GBE1: variants seen among roughly 807,000 people sequenced by gnomAD.
The protein encoded by GBE1 is 1,4-alpha-glucan-branching enzyme.
A neutral mutation model predicts 88.8 loss-of-function variants in GBE1; 70 were observed. That is an observed-to-expected ratio of 0.79 (90% CI 0.65 to 0.96). The LOEUF is 0.96. Among genes scored for constraint, GBE1 ranks in the 40% least tolerant of loss-of-function variants. The pLI, the probability that GBE1 is intolerant of heterozygous loss-of-function variation, is 0.00. For synonymous variants in GBE1, 284 were observed against 300.1 expected, an observed-to-expected ratio of 0.95 and a Z score of 0.56; for missense variants, 872 against 871.0, an observed-to-expected ratio of 1.00 and a Z score of -0.01.
At chr3:81,588,005 A>G (rs1703822683) in intron 9 of GBE1, among the ~76,000 whole-genome samples, 1 of 152,130 alleles carries the variant, frequency 6.6e-6, no homozygotes. Flanking sequence ...GCTTTTCTGC[A>G]TCTGTCAATG....
At chr3:81,723,972 T>C (rs751373492) in intron 1 of GBE1, among the ~76,000 whole-genome samples, 6 of 152,228 alleles carry the variant, frequency 3.9e-5, no homozygotes, top group Non-Finnish European at 7.3e-5. Flanking sequence ...TGTTTTGCTT[T>C]CTTTGTTTTT....
chr3:81,566,936 C>T lies in GBE1; in HGVS notation c.1618+10989G>A, dbSNP rs181777193. ...CCTTTGAATAGGCCTTTTCTGAACA[C>T]AAACATGTTCTTATATTTCATAAGA... On this transcript the variant is annotated intron_variant, in intron 12 of 15. Coordinates refer to ENST00000429644, the MANE Select transcript of GBE1 (RefSeq NM_000158.4). Among the ~76,000 whole-genome samples, 18 of 152,266 alleles carry T rather than the reference C, an allele frequency of 1.2e-4. No individual in the cohort carries two copies. The East Asian group carries it at 1.5e-3, about 13-fold the overall frequency.
chr3:81,643,869 T>C (rs2107061463), intron 6 of GBE1, among the ~76,000 whole-genome samples: 1 of 152,294 alleles, frequency 6.6e-6, no homozygotes, highest in South Asian at 2.1e-4. Flanking sequence ...ATCATACTTG[T>C]GCTCCCATTC....
chr3:81,673,580 T>C (rs1326182454), intron 2 of GBE1, among the ~76,000 whole-genome samples: 1 of 151,966 alleles, frequency 6.6e-6, no homozygotes, highest in East Asian at 1.9e-4. Context: ...GAAAATGGTT[T>C]CCAATATCAG....
intron 14 of GBE1, among the ~76,000 whole-genome samples, chr3:81,516,360 T>G: frequency 6.6e-6 from 1 of 151,682 alleles, no homozygotes; most frequent in African/African-American, 2.4e-5. Context: ...GCATGTCTGT[T>G]TACAGCATGG....
chr3:81,745,100 C>G (rs1190279651), intron 1 of GBE1, among the ~76,000 whole-genome samples: 2 of 152,128 alleles, frequency 1.3e-5, no homozygotes, highest in African/African-American at 4.8e-5. Flanking sequence ...ATTTGTTCTG[C>G]TATCATATAG....
intron 1 of GBE1, among the ~76,000 whole-genome samples, chr3:81,750,087 C>T (rs1706475380): frequency 6.7e-6 from 1 of 149,032 alleles, no homozygotes; most frequent in African/African-American, 2.5e-5. Context: ...CAACTTAAAC[C>T]ACAAAAATAA....
intron 7 of GBE1, among the ~76,000 whole-genome samples, chr3:81,600,315 T>G (rs931210383): frequency 6.6e-5 from 10 of 152,128 alleles, no homozygotes; most frequent in African/African-American, 2.4e-4. Context: ...TATAATAATT[T>G]TATGATTGAA....
intron 1 of GBE1, among the ~76,000 whole-genome samples, chr3:81,713,351 C>T (rs1156866792): frequency 1.3e-5 from 2 of 152,166 alleles, no homozygotes; most frequent in African/African-American, 2.4e-5. Context: ...GACGACATGA[C>T]GACTAGCTGT....
chr3:81,549,833 T>C (rs1208891700), intron 12 of GBE1, among the ~76,000 whole-genome samples: 2 of 151,532 alleles, frequency 1.3e-5, no homozygotes, highest in Non-Finnish European at 3.0e-5. Context: ...CCATAATTTG[T>C]CTCTAGTAAA....
intron 1 of GBE1, among the ~76,000 whole-genome samples, chr3:81,749,794 AT>A (rs142847154): frequency 6.6e-6 from 1 of 152,002 alleles, no homozygotes; most frequent in African/African-American, 2.4e-5. Flanking sequence ...TTTCAGAATG[AT>A]TTTTTTTAAT....
chr3:81,586,242 G>A, intron 9 of GBE1, 52 bp from the exon 10 acceptor site: 2 of 1,095,736 alleles, frequency 1.8e-6, no homozygotes, highest in South Asian at 1.5e-5. Flanking sequence ...TAAATATTCT[G>A]ACTGTAAAGC....
chr3:81,552,520 T>TAA (rs58899195), intron 12 of GBE1, among the ~76,000 whole-genome samples: 28 of 55,816 alleles, frequency 5.0e-4, no homozygotes, highest in African/African-American at 1.3e-3. Context: ...CTATCTTATA[T>TAA]AAAAAAAAAA....
chr3:81,613,071 G>T, intron 7 of GBE1: 1 of 690,712 alleles, frequency 1.4e-6, no homozygotes, highest in Non-Finnish European at 2.2e-6. Flanking sequence ...TGAAGGAGAA[G>T]ATGACTAATA....
At chr3:81,662,928 G>GC (rs1453237894) in intron 3 of GBE1, among the ~76,000 whole-genome samples, 1 of 152,186 alleles carries the variant, frequency 6.6e-6, no homozygotes, top group Non-Finnish European at 1.5e-5. Context: ...GAAGGAAGAA[G>GC]CAAGTACGTG....
intron 14 of GBE1, among the ~76,000 whole-genome samples, chr3:81,518,458 C>A (rs1458528060): frequency 1.3e-5 from 2 of 151,420 alleles, no homozygotes; most frequent in African/African-American, 4.8e-5. Context: ...TTAAGGCAAT[C>A]TAAAAGTGTT....
chr3:81,706,642 T>A (rs890528425), intron 1 of GBE1, among the ~76,000 whole-genome samples: 1 of 152,142 alleles, frequency 6.6e-6, no homozygotes, highest in African/African-American at 2.4e-5. Flanking sequence ...CCAGGGAATA[T>A]ACAAAATTTG....
chr3:81,739,407 T>C lies in GBE1; in HGVS notation c.143+21968A>G, dbSNP rs563277087. 7.7e-4 allele frequency among the ~76,000 whole-genome samples: 118 copies of C among 152,302 alleles called. 1 individual carries two copies. The highest frequency in any genetic ancestry group is 1.4e-3 in the Non-Finnish European group (94 of 68,024). ...ATATCCAGACCCAGAAATTTGAGTG[T>C]ATAACATCTTAGTTACCAGGTAAAT... On this transcript the variant is annotated intron_variant, in intron 1 of 15. Coordinates refer to ENST00000429644, the MANE Select transcript of GBE1 (RefSeq NM_000158.4).
intron 7 of GBE1, among the ~76,000 whole-genome samples, chr3:81,598,843 G>T (rs1038031145): frequency 6.6e-6 from 1 of 151,632 alleles, no homozygotes; most frequent in African/African-American, 2.4e-5. Context: ...CAGAATGTAG[G>T]TAATTATAAA....
Sources: allele counts gnomAD v4.1 joint callset (sites outside exome capture counted in the v4.1 genomes callset), GRCh38; gene constraint gnomAD v4.1.1; transcripts MANE v1.5; gene names NCBI Gene and HGNC (gene_info 2026-07-23, HGNC 2026-07-21).